The following FNBP1 variants were observed in gnomAD, a reference collection of about 807,000 sequenced individuals.
FNBP1 encodes the protein formin binding protein 1, also known as formin-binding protein 1.
FNBP1 carries 26 observed loss-of-function variants against 90.6 expected under a neutral mutation model. The observed-to-expected ratio is 0.29, with a 90% confidence interval of 0.21 to 0.40. The LOEUF (loss-of-function observed/expected upper bound fraction) is 0.40, where lower values mean the gene tolerates loss of function less well. FNBP1 is among the 10% of genes least tolerant of loss of function. FNBP1 has a pLI of 1.00. For missense variants in FNBP1, 635 were observed against 768.0 expected (o/e 0.83, Z 2.05); for synonymous variants, 260 against 265.2 (o/e 0.98, Z 0.19).
At chr9:129,961,205 C>T (rs1374627487) in intron 4 of FNBP1, among the ~76,000 whole-genome samples, 1 of 151,538 alleles carries the variant, frequency 6.6e-6, no homozygotes, top group East Asian at 1.9e-4. Context: ...CCCAGCTACT[C>T]GGGAGGCTGA....
intron 4 of FNBP1, among the ~76,000 whole-genome samples, chr9:129,977,484 AT>A (rs34068585): frequency 1.3e-3 from 187 of 139,274 alleles, no homozygotes; most frequent in African/African-American, 4.5e-3. Flanking sequence ...ACAAGCACTA[AT>A]TTTTTTTTTT....
At chr9:129,956,901 C>T (rs1440693901) in intron 6 of FNBP1, among the ~76,000 whole-genome samples, 1 of 152,138 alleles carries the variant, frequency 6.6e-6, no homozygotes, top group African/African-American at 2.4e-5. Flanking sequence ...GCTTCTGGTC[C>T]CCACAATGGT....
At chr9:129,932,072 G>A (rs751386082) in intron 6 of FNBP1, among the ~76,000 whole-genome samples, 2 of 151,852 alleles carry the variant, frequency 1.3e-5, no homozygotes, top group East Asian at 3.9e-4. Context: ...TTAGATGGGC[G>A]TGGTGGTGGG....
At chr9:129,929,458 T>TA in intron 7 of FNBP1, 109 bp downstream of exon 7, 1 of 765,568 alleles carries the variant, frequency 1.3e-6, no homozygotes, top group South Asian at 2.1e-5. Context: ...TGGAATTATA[T>TA]AAAGACTCAG....
intron 1 of FNBP1, among the ~76,000 whole-genome samples, chr9:130,035,201 G>A (rs35732246): frequency 0.12 from 18,987 of 152,086 alleles, 1,260 homozygotes; most frequent in Non-Finnish European, 0.16. Flanking sequence ...CCTCCTTTAG[G>A]GTCCACCTCA....
chr9:130,003,923 C>CAGAAAAAAA (rs2055261096), intron 1 of FNBP1, among the ~76,000 whole-genome samples: 1 of 110,318 alleles, frequency 9.1e-6, no homozygotes, highest in Non-Finnish European at 1.7e-5. Flanking sequence ...GACTCCGCCT[C>CAGAAAAAAA]AAAAAAAAAA....
intron 16 of FNBP1, 85 bp downstream of exon 16, chr9:129,895,753 C>T (rs1254281091): frequency 1.9e-5 from 27 of 1,441,460 alleles, no homozygotes; most frequent in Non-Finnish European, 2.4e-5. Context: ...GAGGAACTGC[C>T]TGTAACAGTC....
chr9:130,029,717 C>T (rs1161752344), intron 1 of FNBP1, among the ~76,000 whole-genome samples: 1 of 152,168 alleles, frequency 6.6e-6, no homozygotes, highest in Non-Finnish European at 1.5e-5. Context: ...AGTGCAGCGG[C>T]TCACACCTGT....
At chr9:130,010,345 A>G (rs980959059) in intron 1 of FNBP1, among the ~76,000 whole-genome samples, 1 of 152,132 alleles carries the variant, frequency 6.6e-6, no homozygotes, top group Admixed American at 6.6e-5. Flanking sequence ...GGCATGTGAC[A>G]TTACCCTGGC....
At chr9:129,974,993 C>A (rs146613589) in intron 4 of FNBP1, among the ~76,000 whole-genome samples, 6 of 152,068 alleles carry the variant, frequency 3.9e-5, no homozygotes, top group East Asian at 1.9e-4. Flanking sequence ...TCAAGGCAGG[C>A]GGATCACCTG....
chr9:129,898,179 A>C (rs2036149627), intron 15 of FNBP1, among the ~76,000 whole-genome samples: 1 of 152,144 alleles, frequency 6.6e-6, no homozygotes, highest in Admixed American at 6.6e-5. Context: ...GATCCTACAC[A>C]TCTGACGATG....
intron 2 of FNBP1, among the ~76,000 whole-genome samples, chr9:129,989,030 A>G (rs949078441): frequency 7.2e-5 from 11 of 152,164 alleles, no homozygotes; most frequent in African/African-American, 2.7e-4. Flanking sequence ...TGGCCTTTCT[A>G]TTCCTTCTAC....
Position 129,889,586 on chromosome 9 carries a change from A to AAAG in FNBP1, c.*952_*953insCTT. On this transcript the variant is annotated 3_prime_UTR_variant, in exon 17 of 17. Coordinates refer to ENST00000446176, the MANE Select transcript of FNBP1 (RefSeq NM_015033.3). ...CTCCCGTCTCAAAAAAAAAAAAAAA[A>AAAG]CAACAACAAAAAAGGAAGTGCTACC... 1 of 208,526 alleles carries AAAG rather than the reference A, an allele frequency of 4.8e-6. No individual in the cohort carries two copies. Among genetic ancestry groups the AAAG allele is most frequent in the East Asian group, 6.9e-5 (1 of 14,472 alleles). The allele number at this position is 208,526 out of a possible 1,614,324, so 12.9% of individuals were successfully genotyped here. A position where few individuals can be genotyped will look rare whatever the true frequency, so the allele number is the denominator to read the frequency against.
At chr9:130,045,899 A>G (rs1346356437), upstream of FNBP1, among the ~76,000 whole-genome samples, 6 of 152,170 alleles carry the variant, frequency 3.9e-5, no homozygotes, top group East Asian at 1.2e-3. Context: ...AAGTATCCCC[A>G]TTAACAAACT....
intron 16 of FNBP1, among the ~76,000 whole-genome samples, chr9:129,894,320 A>G (rs1032709973): frequency 2.6e-5 from 4 of 152,164 alleles, no homozygotes; most frequent in African/African-American, 9.7e-5. Flanking sequence ...CTCCCCTCCC[A>G]CATCAATGCC....
Position 129,900,113 on chromosome 9 carries a change from A to G in FNBP1, c.1551-12T>C. The G allele has an allele frequency of 3.8e-6, 6 of 1,593,478 alleles. No homozygotes were observed. Among genetic ancestry groups the G allele is most frequent in the African/African-American group, 1.4e-5 (1 of 74,004 alleles). ...AACTGCCATCTGGGCTGCTCAAGAA[A>G]GGAAAACACAAAGCAACTAAAGCGA... On this transcript the variant is annotated splice_polypyrimidine_tract_variant and intron_variant, in intron 14 of 16. Transcript: ENST00000446176. The surrounding 1 kb of genome is among the most constrained non-coding windows in gnomAD (Gnocchi z 4.1).
At chr9:130,023,808 A>G (rs2058083279) in intron 1 of FNBP1, among the ~76,000 whole-genome samples, 1 of 152,126 alleles carries the variant, frequency 6.6e-6, no homozygotes, top group Non-Finnish European at 1.5e-5. Flanking sequence ...CCTGGACTCA[A>G]TCTTCCATCC....
At chr9:129,995,452 C>A (rs991472262) in intron 1 of FNBP1, among the ~76,000 whole-genome samples, 1 of 152,060 alleles carries the variant, frequency 6.6e-6, no homozygotes, top group Non-Finnish European at 1.5e-5. Flanking sequence ...TACACCAAAC[C>A]CACACTGTGA....
intron 1 of FNBP1, among the ~76,000 whole-genome samples, chr9:130,039,037 T>A (rs2059598417): frequency 6.6e-6 from 1 of 152,200 alleles, no homozygotes; most frequent in Admixed American, 6.5e-5. Flanking sequence ...TGCTTTGCCA[T>A]TTCTCCAACA....
Sources: allele counts gnomAD v4.1 joint callset (sites outside exome capture counted in the v4.1 genomes callset), GRCh38; gene constraint gnomAD v4.1.1; non-coding constraint Gnocchi (gnomAD v3.1); transcripts MANE v1.5; gene names NCBI Gene and HGNC (gene_info 2026-07-23, HGNC 2026-07-21).